The following PACS1 variants were observed in gnomAD, a reference collection of about 807,000 sequenced individuals.
PACS1 encodes PACS-1.
In PACS1, 24 loss-of-function variants were observed where a neutral mutation model predicts 115.0. The ratio of observed to expected loss-of-function variants is 0.21; its 90% confidence interval spans 0.15 to 0.29. The LOEUF is 0.29. PACS1 is among the 10% of genes least tolerant of loss of function. The probability of loss-of-function intolerance (pLI) is 1.00; values close to 1 mark genes in which losing one functional copy is unlikely to be tolerated. For missense variants in PACS1, 838 were observed against 1,251.2 expected (o/e 0.67, Z 4.98); for synonymous variants, 453 against 504.5 (o/e 0.90, Z 1.37).
At chr11:66,116,952 C>T (rs1858320036) in intron 1 of PACS1, among the ~76,000 whole-genome samples, 1 of 151,408 alleles carries the variant, frequency 6.6e-6, no homozygotes, top group Non-Finnish European at 1.5e-5. Context: ...TAAGATAACA[C>T]AAATAAAGGG....
At chr11:66,163,696 C>T (rs1479282001) in intron 1 of PACS1, among the ~76,000 whole-genome samples, 2 of 152,118 alleles carry the variant, frequency 1.3e-5, no homozygotes, top group African/African-American at 4.8e-5. Context: ...TATTTTCTGT[C>T]TGTGAAGTCC....
At chr11:66,171,023 G>T (rs1340787093) in intron 1 of PACS1, among the ~76,000 whole-genome samples, 3 of 150,156 alleles carry the variant, frequency 2.0e-5, no homozygotes, top group African/African-American at 7.6e-5. Flanking sequence ...TCTTGTTGTG[G>T]GGTTCCGGAT....
At chr11:66,123,921 G>T (rs563482568) in intron 1 of PACS1, among the ~76,000 whole-genome samples, 2 of 151,952 alleles carry the variant, frequency 1.3e-5, no homozygotes, top group East Asian at 3.9e-4. Context: ...TATATGCACC[G>T]GGAAATAAAT....
chr11:66,172,186 C>A (rs1859755774), intron 1 of PACS1, among the ~76,000 whole-genome samples: 1 of 152,122 alleles, frequency 6.6e-6, no homozygotes, highest in Non-Finnish European at 1.5e-5. Context: ...TATCCTTGAT[C>A]TTCTTTCTGG....
chr11:66,128,853 C>A (rs1170647590), intron 1 of PACS1, among the ~76,000 whole-genome samples: 2 of 149,356 alleles, frequency 1.3e-5, no homozygotes, highest in African/African-American at 5.0e-5. Context: ...CACTGTACTC[C>A]ATCCTGGGCA....
chr11:66,193,646 G>A, intron 2 of PACS1, 73 bp downstream of exon 2: 1 of 1,013,938 alleles, frequency 9.9e-7, no homozygotes, highest in Non-Finnish European at 1.6e-6. Context: ...TGCGGCTTCA[G>A]AAACACTACT....
At chr11:66,120,432 C>G (rs1337535777) in intron 1 of PACS1, among the ~76,000 whole-genome samples, 1 of 152,112 alleles carries the variant, frequency 6.6e-6, no homozygotes, top group Non-Finnish European at 1.5e-5. Flanking sequence ...TAATCAAACT[C>G]AATTTGTGAA....
rs569841106 is a variant in PACS1, at chr11:66,219,170, A to G, written c.979-576A>G. ...GAGATGTCAGCTGAAGGCTGTTGCTATGATCCCAGAGAGGCAAGGAGAAAG... is the reference window on the plus strand; with the variant it reads ...GAGATGTCAGCTGAAGGCTGTTGCTGTGATCCCAGAGAGGCAAGGAGAAAG... On this transcript the variant is annotated intron_variant, in intron 7 of 23. Coordinates refer to ENST00000320580, the MANE Select transcript of PACS1 (RefSeq NM_018026.4). Among the ~76,000 whole-genome samples the G allele has an allele frequency of 3.3e-5, 5 of 152,050 alleles. No homozygotes were observed. In the South Asian group the frequency reaches 6.2e-4, roughly 19 times the overall value.
Position 66,230,669 on chromosome 11 carries a change from G to A in PACS1, c.1490+6G>A, listed in dbSNP as rs773149147. The A allele has an allele frequency of 3.1e-6, 5 of 1,612,232 alleles. No individual in the cohort carries two copies. The South Asian group carries it at 5.5e-5, about 18-fold the overall frequency. Reference sequence around the variant, plus strand: ...CAGGGCTCTGCCTCCCCCAGGTACTGCAGATGGAAAGGAAGCAGGGGGTAC... The same window carrying A: ...CAGGGCTCTGCCTCCCCCAGGTACTACAGATGGAAAGGAAGCAGGGGGTAC... On this transcript the variant is annotated splice_donor_region_variant and intron_variant, in intron 12 of 23. Coordinates refer to ENST00000320580, the MANE Select transcript of PACS1 (RefSeq NM_018026.4).
At chr11:66,212,298 ATTT>A (rs763631322) in intron 4 of PACS1, among the ~76,000 whole-genome samples, 1 of 140,764 alleles carries the variant, frequency 7.1e-6, no homozygotes, top group Non-Finnish European at 1.6e-5. Context: ...TGCCCAGCTA[ATTT>A]TTTTTTTTTT....
At chr11:66,207,012 G>A (rs1047808369) in intron 2 of PACS1, among the ~76,000 whole-genome samples, 1 of 152,178 alleles carries the variant, frequency 6.6e-6, no homozygotes, top group African/African-American at 2.4e-5. Context: ...AGCTGCAGTT[G>A]TTATCAACTT....
At chr11:66,074,884 A>G (rs1311529694) in intron 1 of PACS1, among the ~76,000 whole-genome samples, 6 of 151,014 alleles carry the variant, frequency 4.0e-5, no homozygotes, top group East Asian at 1.9e-4. Flanking sequence ...TCTTCTTACT[A>G]TATACTAGGA....
intron 1 of PACS1, among the ~76,000 whole-genome samples, chr11:66,178,540 T>G (rs1348562220): frequency 2.6e-5 from 4 of 152,198 alleles, no homozygotes; most frequent in Non-Finnish European, 4.4e-5. Flanking sequence ...TTATGGTGGA[T>G]TATATCTATC....
At chr11:66,222,184 T>C (rs1855365758) in intron 10 of PACS1, among the ~76,000 whole-genome samples, 1 of 152,142 alleles carries the variant, frequency 6.6e-6, no homozygotes, top group Non-Finnish European at 1.5e-5. Context: ...AGTGGGCGTT[T>C]GGCCAGTAGT....
Position 66,235,154 on chromosome 11 carries a change from C to T in PACS1, c.2105-147C>T. ...AGGACCATCCTTGGGCTCATGATTC[C>T]TTCAAACCAGAAGGACCGTAGAGCC... On this transcript the variant is annotated intron_variant, in intron 17 of 23. Coordinates refer to ENST00000320580, the MANE Select transcript of PACS1 (RefSeq NM_018026.4). The surrounding 1 kb of genome is among the most constrained non-coding windows in gnomAD (Gnocchi z 5.6). 2 of 615,424 alleles carry T rather than the reference C, an allele frequency of 3.2e-6. No homozygotes were observed. The highest frequency in any genetic ancestry group is 2.9e-6 in the Non-Finnish European group (1 of 339,510). The allele number at this position is 615,424 out of a possible 1,614,324, so 38.1% of individuals were successfully genotyped here.
intron 1 of PACS1, among the ~76,000 whole-genome samples, chr11:66,167,314 G>T (rs1859628392): frequency 7.0e-6 from 1 of 142,952 alleles, no homozygotes; most frequent in African/African-American, 2.7e-5. Context: ...TCTTCTCTGG[G>T]TTCATGGCTT....
At chr11:66,231,579 A>G (rs1160464463) in intron 13 of PACS1, among the ~76,000 whole-genome samples, 1 of 152,130 alleles carries the variant, frequency 6.6e-6, no homozygotes, top group Non-Finnish European at 1.5e-5. Context: ...TTCCCCTGAT[A>G]ACTTACCAAG....
intron 1 of PACS1, among the ~76,000 whole-genome samples, chr11:66,142,877 C>T (rs1859029369): frequency 6.6e-6 from 1 of 151,418 alleles, no homozygotes; most frequent in South Asian, 2.1e-4. Flanking sequence ...AACATTGTCC[C>T]CTTACTTGTT....
intron 1 of PACS1, among the ~76,000 whole-genome samples, chr11:66,181,564 T>G (rs1860012506): frequency 6.6e-6 from 1 of 152,176 alleles, no homozygotes; most frequent in Non-Finnish European, 1.5e-5. Flanking sequence ...TTAAGTGCCT[T>G]TTTTAGCATC....
Sources: gnomAD v4.1 joint callset for allele counts (sites outside exome capture counted in the v4.1 genomes callset) on GRCh38, gnomAD v4.1.1 for gene constraint, Gnocchi (gnomAD v3.1) non-coding constraint, MANE v1.5 for transcripts, NCBI Gene and HGNC (gene_info 2026-07-23, HGNC 2026-07-21) for gene names.